The following WDR19 variants were observed in gnomAD, a reference collection of about 807,000 sequenced individuals.
WDR19 encodes the protein WD repeat domain 19.
WDR19 carries 121 observed loss-of-function variants against 180.0 expected under a neutral mutation model. The ratio of observed to expected loss-of-function variants is 0.67; its 90% CI spans 0.58 to 0.78. The LOEUF (loss-of-function observed/expected upper bound fraction) is 0.78. Ranked by LOEUF, WDR19 falls within the 30% of genes least tolerant of loss-of-function variation. WDR19 has a pLI of 0.00. For synonymous variants in WDR19, 497 were observed against 540.7 expected, an observed-to-expected ratio of 0.92 and a Z score of 1.12; for missense variants, 1,450 against 1,640.7, an observed-to-expected ratio of 0.88 and a Z score of 2.01.
intron 17 of WDR19, 44 bp downstream of exon 17, chr4:39,228,734 G>T: frequency 6.8e-7 from 1 of 1,469,640 alleles, no homozygotes; most frequent in Non-Finnish European, 9.0e-7. Flanking sequence ...ATTTGCTTTT[G>T]TGATTTTAAA....
At chr4:39,221,201 T>C (rs982735605) in intron 14 of WDR19, among the ~76,000 whole-genome samples, 9 of 152,174 alleles carry the variant, frequency 5.9e-5, no homozygotes, top group African/African-American at 2.2e-4. Flanking sequence ...GAAATTTGTA[T>C]GACACTAATA....
chr4:39,202,895 TTA>T (rs1727518265), intron 6 of WDR19, among the ~76,000 whole-genome samples: 1 of 152,044 alleles, frequency 6.6e-6, no homozygotes, highest in South Asian at 2.1e-4. Flanking sequence ...TTAGCAAAGT[TTA>T]TGTGTGGAAA....
intron 4 of WDR19, among the ~76,000 whole-genome samples, chr4:39,190,530 G>T (rs1439422290): frequency 6.6e-6 from 1 of 152,144 alleles, no homozygotes; most frequent in Non-Finnish European, 1.5e-5. Context: ...GTATGACATG[G>T]GTATAACATG....
chr4:39,208,183 G>A (rs1000870127), intron 9 of WDR19, among the ~76,000 whole-genome samples: 6 of 151,416 alleles, frequency 4.0e-5, no homozygotes, highest in African/African-American at 1.5e-4. Context: ...AAAGAAACAG[G>A]AATAAAAACA....
Position 39,234,773 on chromosome 4 carries a change from G to A in WDR19, c.2261G>A (p.Arg754Lys), listed in dbSNP as rs1477781128. Residue 754 changes from arginine to lysine, a missense_variant, in exon 20 of 37, where the codon AGG (arginine) becomes AAG (lysine). Physicochemically the swap from Arg to Lys is conservative, Grantham distance 26. Transcript: ENST00000399820. ...SCPIAALEMR[R>K]DLQHWDSALQ... ...TCTTTCTCTTCTTAACAGATGAGAA[G>A]GGATTTACAGCATTGGGACAGTGCT... 3 of 1,574,234 alleles carry A rather than the reference G, an allele frequency of 1.9e-6. No homozygotes were observed. The highest frequency in any genetic ancestry group is 2.6e-6 in the Non-Finnish European group (3 of 1,158,164).
At chr4:39,252,123 G>C (rs544076170) in intron 24 of WDR19, among the ~76,000 whole-genome samples, 2 of 151,808 alleles carry the variant, frequency 1.3e-5, no homozygotes, top group African/African-American at 4.8e-5. Flanking sequence ...GTCCAACAAT[G>C]ATAGACTGGA....
rs1365574205 is a variant in WDR19, at chr4:39,228,682, G to A, written c.1974G>A (p.Met658Ile). ...GACCAATGCTGGCACAGAATTTAAT[G>A]CTAAAGAGGTAGGCTTTCACACACT... ...ELRPMLAQNL[M>I]LKRFSDAWEM... The change falls in exon 17 of 37, where the codon ATG becomes ATA. Residue 658 changes from methionine (M) to isoleucine (I), a missense_variant. Coordinates refer to ENST00000399820, the MANE Select transcript of WDR19 (RefSeq NM_025132.4). The A allele has an allele frequency of 3.8e-6, 6 of 1,585,006 alleles. No homozygotes were observed. Among genetic ancestry groups the A allele is most frequent in the Non-Finnish European group, 5.1e-6 (6 of 1,165,620 alleles).
At chr4:39,217,336 CAGA>C in intron 13 of WDR19, 96 bp downstream of exon 13, 1 of 1,009,392 alleles carries the variant, frequency 9.9e-7, no homozygotes. Context: ...CAAGGATGTA[CAGA>C]CTAACTAGAA....
At chr4:39,281,492 C>G (rs6854358) in intron 36 of WDR19, among the ~76,000 whole-genome samples, 76,198 of 151,268 alleles carry the variant, frequency 0.5, 20,566 homozygotes, top group African/African-American at 0.71. Flanking sequence ...GCTTTATAGA[C>G]TCTCTTAAAG....
chr4:39,249,596 A>G (rs1453257408), intron 24 of WDR19, among the ~76,000 whole-genome samples: 1 of 152,258 alleles, frequency 6.6e-6, no homozygotes, highest in Non-Finnish European at 1.5e-5. Context: ...ATAGACCACT[A>G]GCAAGGCTAA....
chr4:39,282,545 C>A (rs1396349251), intron 36 of WDR19, among the ~76,000 whole-genome samples: 1 of 152,004 alleles, frequency 6.6e-6, no homozygotes, highest in Non-Finnish European at 1.5e-5. Flanking sequence ...TTACAGGCGC[C>A]CGCCACCACG....
In WDR19 at chr4:39,250,677, A is replaced by G. The variant is rs546320800; in HGVS notation, c.2730-2469A>G. Among the ~76,000 whole-genome samples the G allele has an allele frequency of 3.9e-5, 6 of 152,348 alleles. No individual in the cohort carries two copies. The East Asian group carries it at 1.2e-3, about 29-fold the overall frequency. On this transcript the variant is annotated intron_variant, in intron 24 of 36. Coordinates refer to ENST00000399820, the MANE Select transcript of WDR19 (RefSeq NM_025132.4). ...AGCAAAGTCTCAGGATACAAAATCA[A>G]TGTGCCAAAATCACAAGCATTCTTA...
chr4:39,226,262 A>G (rs745964639), intron 15 of WDR19, among the ~76,000 whole-genome samples: 1 of 152,214 alleles, frequency 6.6e-6, no homozygotes, highest in Admixed American at 6.5e-5. Flanking sequence ...GGTGATTTCA[A>G]TCATTTTTAC....
intron 9 of WDR19, 114 bp downstream of exon 9, chr4:39,205,850 C>G (rs1727898481): frequency 2.0e-6 from 2 of 986,132 alleles, no homozygotes; most frequent in African/African-American, 1.6e-5. Flanking sequence ...TTTAAAACGT[C>G]TAAGACTACT....
chr4:39,232,293 G>A lies in WDR19; in HGVS notation c.2253+21G>A, dbSNP rs374807496. ...TGGAGGTATGGCAGCAAGTAAGAAT[G>A]GAAATTGTGTAAGAGGTATCCAGTG... On this transcript the variant is annotated intron_variant, in intron 19 of 36. Coordinates refer to ENST00000399820, the MANE Select transcript of WDR19 (RefSeq NM_025132.4). The A allele has an allele frequency of 1.1e-5, 17 of 1,579,766 alleles. No individual in the cohort carries two copies. The African/African-American group carries it at 2.2e-4, about 20-fold the overall frequency.
chr4:39,246,245 C>T (rs1732505589), intron 24 of WDR19, among the ~76,000 whole-genome samples: 1 of 152,200 alleles, frequency 6.6e-6, no homozygotes, highest in African/African-American at 2.4e-5. Context: ...GTGGCTCACA[C>T]CTGCAATCCC....
chr4:39,247,082 G>A (rs560836292), intron 24 of WDR19, among the ~76,000 whole-genome samples: 30 of 152,336 alleles, frequency 2.0e-4, no homozygotes, highest in African/African-American at 7.2e-4. Context: ...CCCCTGAGTA[G>A]CCTAACTGGG....
chr4:39,201,874 G>A (rs190568998), intron 6 of WDR19, among the ~76,000 whole-genome samples: 2 of 152,224 alleles, frequency 1.3e-5, no homozygotes, highest in Admixed American at 6.5e-5. Flanking sequence ...TCCAAAATTA[G>A]ACATACTACT....
intron 4 of WDR19, among the ~76,000 whole-genome samples, chr4:39,191,672 T>C (rs1726161075): frequency 6.6e-6 from 1 of 152,238 alleles, no homozygotes; most frequent in Admixed American, 6.5e-5. Context: ...ATACATAACA[T>C]CTGCTTCATC....
Sources: allele counts gnomAD v4.1 joint callset (sites outside exome capture counted in the v4.1 genomes callset), GRCh38; gene constraint gnomAD v4.1.1; transcripts MANE v1.5; gene names NCBI Gene and HGNC (gene_info 2026-07-23, HGNC 2026-07-21).